GNAS: variants seen among roughly 807,000 people sequenced by gnomAD.
GNAS encodes the protein GNAS complex locus.
In GNAS, 8 loss-of-function variants were observed where a neutral mutation model predicts 54.5. That is an observed-to-expected ratio of 0.15 (90% CI 0.09 to 0.26). GNAS has a LOEUF of 0.26. GNAS is among the 10% of genes least tolerant of loss of function. The pLI is 1.00. For synonymous variants in GNAS, 204 were observed against 191.4 expected, an observed-to-expected ratio of 1.07 and a Z score of -0.54; for missense variants, 170 against 529.8, an observed-to-expected ratio of 0.32 and a Z score of 6.67.
At chr20:58,897,049 G>T (rs777361988) in intron 2 of GNAS, among the ~76,000 whole-genome samples, 1 of 152,186 alleles carries the variant, frequency 6.6e-6, no homozygotes, top group Non-Finnish European at 1.5e-5. Flanking sequence ...TCACCCATAC[G>T]AATAGTCCTG....
chr20:58,896,782 T>A (rs566352512), intron 2 of GNAS, among the ~76,000 whole-genome samples: 2 of 152,128 alleles, frequency 1.3e-5, no homozygotes, highest in Admixed American at 1.3e-4. Flanking sequence ...TTTCTTAAAC[T>A]TGGATTCGAT....
At chr20:58,848,943 A>G in intron 1 of GNAS, 1 of 398,598 alleles carries the variant, frequency 2.5e-6, no homozygotes, top group Non-Finnish European at 4.4e-6. Context: ...AGGAGTGGAA[A>G]AAAGGGGGAA....
chr20:58,909,147 T>G lies in GNAS; in HGVS notation c.531-15T>G, dbSNP rs1200083788. 5.0e-6 allele frequency: 8 copies of G among 1,604,904 alleles called. No individual in the cohort carries two copies. In the South Asian group the frequency reaches 6.6e-5, roughly 13 times the overall value. On this transcript the variant is annotated splice_polypyrimidine_tract_variant and intron_variant, in intron 6 of 12. Coordinates refer to ENST00000371085, the MANE Select transcript of GNAS (RefSeq NM_000516.7). This position sits in a 1 kb window ranked among gnomAD's most constrained non-coding sequence, Gnocchi z 7.3. Reference sequence around the variant, plus strand: ...AGCGCTGTGAACACCCCACGTGTCTTTCTTTTTCTCCCAGCTTCCTGGACA... The same window carrying G: ...AGCGCTGTGAACACCCCACGTGTCTGTCTTTTTCTCCCAGCTTCCTGGACA...
intron 1 of GNAS, among the ~76,000 whole-genome samples, chr20:58,865,634 T>C (rs1177717239): frequency 2.0e-5 from 3 of 150,962 alleles, no homozygotes; most frequent in Non-Finnish European, 4.4e-5. Flanking sequence ...TGGAGTGCAA[T>C]GGCATGATCT....
rs759092093 is a variant in GNAS, at chr20:58,903,767, C to T, written c.408C>T (p.Asn136=). The part of the protein sequence containing the change: ...FRVDYILSVM[N]VPDFDFPPEF... ...TGGACTACATCCTGAGTGTGATGAA[C>T]GTGCCTGACTTTGACTTCCCTCCCG... Residue 136 remains asparagine (N), a synonymous_variant, in exon 5 of 13, where the codon AAC becomes AAT. Coordinates refer to ENST00000371085, the MANE Select transcript of GNAS (RefSeq NM_000516.7). The T allele has an allele frequency of 2.1e-5, 34 of 1,613,784 alleles. No homozygotes were observed. The highest frequency in any genetic ancestry group is 2.6e-5 in the Non-Finnish European group (31 of 1,179,920).
chr20:58,875,616 G>A (rs1054385334), intron 1 of GNAS, among the ~76,000 whole-genome samples: 3 of 152,150 alleles, frequency 2.0e-5, no homozygotes, highest in Non-Finnish European at 2.9e-5. Context: ...CCCAGGACAC[G>A]TGGACCCCTC....
In GNAS at chr20:58,905,519, G is replaced by T. The variant is rs368500280; in HGVS notation, c.530+39G>T. ...ACCCAACCCATCAGCACATAAAACA[G>T]ACAAAAACAAGAAAACATGAAAACC... On this transcript the variant is annotated intron_variant, in intron 6 of 12. Transcript: ENST00000371085. The T allele has an allele frequency of 2.0e-5, 21 of 1,059,602 alleles. No individual in the cohort carries two copies. The African/African-American group carries it at 3.1e-4, about 16-fold the overall frequency. 65.6% of individuals were successfully genotyped at this position (1,059,602 alleles called of 1,614,324 possible).
chr20:58,908,019 G>A lies in GNAS; in HGVS notation c.531-1143G>A, dbSNP rs560342503. Among the ~76,000 whole-genome samples the A allele has an allele frequency of 8.1e-4, 123 of 152,356 alleles. No homozygotes were observed. The highest frequency in any genetic ancestry group is 1.4e-3 in the Non-Finnish European group (95 of 68,044). Reference sequence around the variant, plus strand: ...TGCTGGAGGCCAGGGCGGCTGGGGAGCTATTTCTGGACTGGTGCTGTAATG... The same window carrying A: ...TGCTGGAGGCCAGGGCGGCTGGGGAACTATTTCTGGACTGGTGCTGTAATG... On this transcript the variant is annotated intron_variant, in intron 6 of 12. Coordinates refer to ENST00000371085, the MANE Select transcript of GNAS (RefSeq NM_000516.7).
chr20:58,870,767 T>C (rs1426832160), intron 1 of GNAS, among the ~76,000 whole-genome samples: 1 of 152,172 alleles, frequency 6.6e-6, no homozygotes, highest in African/African-American at 2.4e-5. Context: ...CCACACCCTC[T>C]TAGAACTCTC....
chr20:58,893,981 C>T (rs1019738913), intron 1 of GNAS, among the ~76,000 whole-genome samples: 2 of 152,238 alleles, frequency 1.3e-5, no homozygotes, highest in Admixed American at 1.3e-4. Flanking sequence ...TTGATTGCCT[C>T]TGGCCTAGGA....
intron 1 of GNAS, among the ~76,000 whole-genome samples, chr20:58,894,936 T>A (rs80319949): frequency 0.012 from 1,850 of 152,244 alleles, 37 homozygotes; most frequent in African/African-American, 0.043. Flanking sequence ...GCAACATAGT[T>A]GTACCCAGAG....
rs758272654 is a variant in GNAS at position 58,909,201 on chromosome 20, T to C, written c.570T>C (p.Tyr190=). 7 of 1,614,066 alleles carry C rather than the reference T, an allele frequency of 4.3e-6. No individual in the cohort carries two copies. Among genetic ancestry groups the C allele is most frequent in the Non-Finnish European group, 5.9e-6 (7 of 1,179,994 alleles). ...TCGACGTGATCAAGCAGGCTGACTA[T>C]GTGCCGAGCGATCAGGTGTGCAAAA... ...DKIDVIKQAD[Y]VPSDQDLLRC... The change falls in exon 7 of 13, where the codon TAT becomes TAC. Residue 190 remains tyrosine, a synonymous_variant. Transcript: ENST00000371085. This position sits in a 1 kb window ranked among gnomAD's most constrained non-coding sequence, Gnocchi z 7.3.
chr20:58,871,065 A>G (rs914118230), intron 1 of GNAS, among the ~76,000 whole-genome samples: 3 of 152,306 alleles, frequency 2.0e-5, no homozygotes, highest in South Asian at 4.1e-4. Context: ...CAGTTTCCTT[A>G]GAGCTCTTCC....
intron 1 of GNAS, among the ~76,000 whole-genome samples, chr20:58,842,746 GTC>G (rs1374154180): frequency 1.3e-5 from 2 of 152,190 alleles, no homozygotes; most frequent in African/African-American, 4.8e-5. Flanking sequence ...CTCTGGTAAT[GTC>G]TCAGCCTGAG....
intron 1 of GNAS, among the ~76,000 whole-genome samples, chr20:58,846,721 C>G (rs1292406477): frequency 6.6e-6 from 1 of 152,162 alleles, no homozygotes; most frequent in Admixed American, 6.5e-5. Flanking sequence ...AGTGTCCTGG[C>G]TTATGTCGCT....
Position 58,841,947 on chromosome 20 carries a change from C to A in GNAS, c.43+1061C>A. 1 of 1,167,090 alleles carries A rather than the reference C, an allele frequency of 8.6e-7. No homozygotes were observed. The highest frequency in any genetic ancestry group is 1.1e-6 in the Non-Finnish European group (1 of 928,928). 72.3% of individuals were successfully genotyped at this position (1,167,090 alleles called of 1,614,324 possible). The stretch of plus-strand genomic sequence containing the variant: ...ATCAGGATAACTTACAATTCGTTTC[C>A]AAAGAGCGCGGTACGCGCAGAGCTG... On this transcript the variant is annotated intron_variant, in intron 1 of 12. Coordinates refer to the GNAS transcript ENST00000306090. The surrounding 1 kb of genome is among the most constrained non-coding windows in gnomAD (Gnocchi z 5.0).
chr20:58,867,150 T>C (rs555652964), intron 1 of GNAS, among the ~76,000 whole-genome samples: 1 of 152,352 alleles, frequency 6.6e-6, no homozygotes, highest in African/African-American at 2.4e-5. Flanking sequence ...AAATTTTGCC[T>C]GCGAAAGTGC....
chr20:58,839,856 T>C (rs2085654051), upstream of GNAS: 1 of 596,100 alleles, frequency 1.7e-6, no homozygotes, highest in African/African-American at 1.9e-5. Flanking sequence ...GAGACAGAAC[T>C]TTCCCCTTTT....
chr20:58,903,439 C>G, intron 3 of GNAS, 92 bp from the exon 4 acceptor site: 1 of 1,049,334 alleles, frequency 9.5e-7, no homozygotes, highest in Middle Eastern at 2.0e-4. Flanking sequence ...GAACAGAATA[C>G]TATGCTTTTT....
Sources: gnomAD v4.1 joint callset for allele counts (sites outside exome capture counted in the v4.1 genomes callset) on GRCh38, gnomAD v4.1.1 for gene constraint, Gnocchi (gnomAD v3.1) non-coding constraint, MANE v1.5 for transcripts, NCBI Gene and HGNC (gene_info 2026-07-23, HGNC 2026-07-21) for gene names.